Variants in GDNF observed in about 807,000 individuals in gnomAD.
The protein encoded by GDNF is glial cell line-derived neurotrophic factor.
In GDNF, 5 loss-of-function variants were observed where a neutral mutation model predicts 13.7. That is an observed-to-expected ratio of 0.36 (90% CI 0.19 to 0.77). The LOEUF is 0.77. Ranked by LOEUF, GDNF falls within the 30% of genes least tolerant of loss-of-function variation. The probability of loss-of-function intolerance (pLI) is 0.51; values close to 1 mark genes in which losing one functional copy is unlikely to be tolerated. For synonymous variants in GDNF, 122 were observed against 112.5 expected, an observed-to-expected ratio of 1.08 and a Z score of -0.53; for missense variants, 246 against 274.3, an observed-to-expected ratio of 0.90 and a Z score of 0.73.
Position 37,812,876 on chromosome 5 carries a change from G to C in GDNF, c.*2775C>G, listed in dbSNP as rs1749773185. 1 of 152,194 alleles carries C rather than the reference G, an allele frequency of 6.6e-6. No individual in the cohort carries two copies. The highest frequency in any genetic ancestry group is 1.5e-5 in the Non-Finnish European group (1 of 68,044). The allele number at this position is 152,194 out of a possible 1,614,324, so 9.4% of individuals were successfully genotyped here. A position where few individuals can be genotyped will look rare whatever the true frequency, so the allele number is the denominator to read the frequency against. On this transcript the variant is annotated 3_prime_UTR_variant, in exon 3 of 3. Transcript: ENST00000326524. ...AAATCACAAACTTTACCCTTTTGTG[G>C]ATTTGGTGGAGCAACTTGCTTCCAT... is the stretch of plus-strand genomic sequence containing the variant.
chr5:37,834,620 C>A (rs752926861), intron 2 of GDNF, 26 bp downstream of exon 2: 10 of 1,474,900 alleles, frequency 6.8e-6, no homozygotes, highest in Non-Finnish European at 9.0e-6. Flanking sequence ...CCGGCGGCCC[C>A]CCCGCGGGGA....
At chr5:37,820,233 G>A (rs575041273) in intron 2 of GDNF, among the ~76,000 whole-genome samples, 1 of 152,282 alleles carries the variant, frequency 6.6e-6, no homozygotes, top group Admixed American at 6.5e-5. Flanking sequence ...TAAGCTAATA[G>A]GAAAACATTA....
chr5:37,823,999 CT>C, intron 2 of GDNF: 1 of 950,704 alleles, frequency 1.1e-6, no homozygotes, highest in Non-Finnish European at 1.3e-6. Flanking sequence ...TGCTTGACCT[CT>C]TCAGTTTACC....
intron 2 of GDNF, among the ~76,000 whole-genome samples, chr5:37,826,773 C>A (rs928644050): frequency 6.6e-6 from 1 of 152,188 alleles, no homozygotes; most frequent in South Asian, 2.1e-4. Flanking sequence ...GGTCTGCCTG[C>A]GGATGCTCCT....
intron 2 of GDNF, among the ~76,000 whole-genome samples, chr5:37,828,681 G>C (rs1581586212): frequency 6.6e-6 from 1 of 152,264 alleles, no homozygotes; most frequent in East Asian, 1.9e-4. Context: ...AACTCTCTAG[G>C]TCTCCTTTCT....
chr5:37,825,939 C>T (rs962716644), intron 2 of GDNF, among the ~76,000 whole-genome samples: 3 of 152,196 alleles, frequency 2.0e-5, no homozygotes, highest in African/African-American at 7.2e-5. Context: ...ATCTCAAAGA[C>T]TCTTCAGGTA....
intron 2 of GDNF, among the ~76,000 whole-genome samples, chr5:37,818,947 T>G (rs1205156503): frequency 6.6e-6 from 1 of 152,006 alleles, no homozygotes; most frequent in Non-Finnish European, 1.5e-5. Context: ...TCCACCATAA[T>G]TCTTGCTACA....
intron 2 of GDNF, among the ~76,000 whole-genome samples, chr5:37,826,810 CTTTTCCAATCCCTCT>C (rs1378887845): frequency 6.6e-6 from 1 of 152,206 alleles, no homozygotes. Context: ...CCCATGTCCC[CTTTTCCAATCCCTCT>C]TTATCCTTAC....
chr5:37,838,239 CG>C lies in GDNF; in HGVS notation c.-27+1267del, dbSNP rs1040537874. Reference sequence around the variant, plus strand: ...GGCCCGAGAGCACCCGAATTGCTAGCGGGAAAGGGCTAGGGACACGGCGGAC... The same window carrying C: ...GGCCCGAGAGCACCCGAATTGCTAGCGGAAAGGGCTAGGGACACGGCGGAC... On this transcript the variant is annotated intron_variant, in intron 1 of 2. Coordinates refer to ENST00000326524, the MANE Select transcript of GDNF (RefSeq NM_000514.4). The surrounding 1 kb of genome is among the most constrained non-coding windows in gnomAD (Gnocchi z 4.1). Among the ~76,000 whole-genome samples the C allele has an allele frequency of 1.3e-5, 2 of 152,056 alleles. No homozygotes were observed. The highest frequency in any genetic ancestry group is 4.8e-5 in the African/African-American group (2 of 41,394).
intron 2 of GDNF, among the ~76,000 whole-genome samples, chr5:37,825,849 A>G (rs73750371): frequency 1.3e-5 from 2 of 152,210 alleles, no homozygotes; most frequent in Non-Finnish European, 2.9e-5. Flanking sequence ...AATCTTCTTT[A>G]TCATTTGAAT....
chr5:37,836,953 G>A (rs902036232), intron 1 of GDNF, among the ~76,000 whole-genome samples: 1 of 152,236 alleles, frequency 6.6e-6, no homozygotes, highest in African/African-American at 2.4e-5. Flanking sequence ...GAGGCTCCCG[G>A]CTGCGGTTCC....
chr5:37,829,640 C>A (rs1750448578), intron 2 of GDNF, among the ~76,000 whole-genome samples: 1 of 151,482 alleles, frequency 6.6e-6, no homozygotes. Context: ...TGCTATGGTC[C>A]ATGAGTGTTA....
intron 1 of GDNF, among the ~76,000 whole-genome samples, chr5:37,835,066 C>T (rs1211098426): frequency 2.0e-5 from 3 of 152,118 alleles, no homozygotes; most frequent in Non-Finnish European, 4.4e-5. Flanking sequence ...CTCCACCACA[C>T]GGTCTTAGGG....
intron 2 of GDNF, among the ~76,000 whole-genome samples, chr5:37,818,802 C>T (rs934214856): frequency 3.9e-5 from 6 of 152,130 alleles, no homozygotes; most frequent in African/African-American, 1.4e-4. Context: ...ATGTCTCCCA[C>T]CCTGTGGCTA....
At position 37,814,487 on chromosome 5, in the gene GDNF, G is replaced by C. The variant is rs1213664031; in HGVS notation, c.*1164C>G. 1.3e-5 allele frequency: 2 copies of C among 152,154 alleles called. No homozygotes were observed. Among genetic ancestry groups the C allele is most frequent in the Non-Finnish European group, 2.9e-5 (2 of 68,026 alleles). 9.4% of individuals were successfully genotyped at this position (152,154 alleles called of 1,614,324 possible). ...ATTAATGACAAATTTTCTTAAAAAG[G>C]TAAAGTAAGTGATTTTTGCCTGGCA... is the stretch of plus-strand genomic sequence containing the variant. On this transcript the variant is annotated 3_prime_UTR_variant, in exon 3 of 3. Transcript: ENST00000326524.
rs986594632 is a variant in GDNF at position 37,813,214 on chromosome 5, G to C, written c.*2437C>G. ...GGCCTTTCCTCCATTTCCCAGGCGA[G>C]CAAGGGGAGCAGAAAGGACAGAGAA... On this transcript the variant is annotated 3_prime_UTR_variant, in exon 3 of 3. Coordinates refer to ENST00000326524, the MANE Select transcript of GDNF (RefSeq NM_000514.4). 2 of 152,224 alleles carry C rather than the reference G, an allele frequency of 1.3e-5. No individual in the cohort carries two copies. The highest frequency in any genetic ancestry group is 2.4e-5 in the African/African-American group (1 of 41,434). 9.4% of individuals were successfully genotyped at this position (152,224 alleles called of 1,614,324 possible). A position where few individuals can be genotyped will look rare whatever the true frequency, so the allele number is the denominator to read the frequency against.
At chr5:37,827,164 A>C (rs1406196448) in intron 2 of GDNF, among the ~76,000 whole-genome samples, 17 of 152,184 alleles carry the variant, frequency 1.1e-4, no homozygotes, top group Non-Finnish European at 2.4e-4. Flanking sequence ...TTAAGGAAGT[A>C]TAAAGATACC....
intron 1 of GDNF, among the ~76,000 whole-genome samples, chr5:37,836,305 G>A (rs1750701223): frequency 6.6e-6 from 1 of 152,024 alleles, no homozygotes; most frequent in Admixed American, 6.5e-5. Context: ...CCATTCCAGG[G>A]TTCCAGTCCT....
At chr5:37,826,560 A>G (rs1425529140) in intron 2 of GDNF, among the ~76,000 whole-genome samples, 1 of 152,198 alleles carries the variant, frequency 6.6e-6, no homozygotes. Flanking sequence ...AAAATGCCTG[A>G]CAACTAAACA....
Sources: allele counts gnomAD v4.1 joint callset (sites outside exome capture counted in the v4.1 genomes callset), GRCh38; gene constraint gnomAD v4.1.1; non-coding constraint Gnocchi (gnomAD v3.1); transcripts MANE v1.5; gene names NCBI Gene and HGNC (gene_info 2026-07-23, HGNC 2026-07-21).